Variants in ATP8A1 observed in about 807,000 individuals in gnomAD.
ATP8A1 encodes phospholipid-transporting ATPase IA.
In ATP8A1, 90 loss-of-function variants were observed where a neutral mutation model predicts 177.7. The observed-to-expected ratio is 0.51, with a 90% confidence interval of 0.43 to 0.60. The LOEUF (loss-of-function observed/expected upper bound fraction) is 0.60. Ranked by LOEUF, ATP8A1 falls within the 20% of genes least tolerant of loss-of-function variation. The pLI, the probability that ATP8A1 is intolerant of heterozygous loss-of-function variation, is 0.00. For synonymous variants in ATP8A1, 493 were observed against 485.9 expected (o/e 1.01, Z -0.19); for missense variants, 1,072 against 1,392.8 (o/e 0.77, Z 3.67).
chr4:42,462,247 T>C (rs1719248932), intron 27 of ATP8A1, among the ~76,000 whole-genome samples: 1 of 152,226 alleles, frequency 6.6e-6, no homozygotes, highest in Non-Finnish European at 1.5e-5. Flanking sequence ...GGGGAAAATG[T>C]CTCCAGGGTA....
chr4:42,532,744 C>T (rs1727404941), intron 20 of ATP8A1, among the ~76,000 whole-genome samples: 1 of 152,168 alleles, frequency 6.6e-6, no homozygotes, highest in Middle Eastern at 3.2e-3. Flanking sequence ...CATCATATCC[C>T]CTGTGACTTG....
intron 20 of ATP8A1, among the ~76,000 whole-genome samples, chr4:42,532,677 T>G (rs868582549): frequency 1.3e-5 from 2 of 152,190 alleles, no homozygotes; most frequent in African/African-American, 4.8e-5. Context: ...CTCAGATGGA[T>G]GGAGCAGCGT....
At chr4:42,567,131 C>T (rs1731433113) in intron 15 of ATP8A1, among the ~76,000 whole-genome samples, 1 of 152,226 alleles carries the variant, frequency 6.6e-6, no homozygotes, top group Non-Finnish European at 1.5e-5. Context: ...CATCTTTGAT[C>T]ACTCCACGTA....
chr4:42,650,123 C>T (rs757827195), intron 1 of ATP8A1, among the ~76,000 whole-genome samples: 10 of 152,174 alleles, frequency 6.6e-5, no homozygotes, highest in Non-Finnish European at 1.0e-4. Flanking sequence ...CAAACATTCC[C>T]ACAGCTGTAA....
chr4:42,577,449 C>G (rs909151908), intron 12 of ATP8A1, among the ~76,000 whole-genome samples: 1 of 152,084 alleles, frequency 6.6e-6, no homozygotes. Context: ...AAAAGTATGT[C>G]ATATTTTTCG....
At chr4:42,553,249 C>T (rs1338471194) in intron 16 of ATP8A1, among the ~76,000 whole-genome samples, 1 of 152,108 alleles carries the variant, frequency 6.6e-6, no homozygotes, top group Non-Finnish European at 1.5e-5. Flanking sequence ...GATAAAAATT[C>T]GAAGATGTTC....
intron 6 of ATP8A1, among the ~76,000 whole-genome samples, chr4:42,596,361 A>G (rs1223852041): frequency 6.6e-6 from 1 of 152,174 alleles, no homozygotes; most frequent in Non-Finnish European, 1.5e-5. Context: ...TCAGACTGCA[A>G]TAGCCTGATT....
At chr4:42,639,212 A>G (rs1335789771) in intron 1 of ATP8A1, among the ~76,000 whole-genome samples, 1 of 152,190 alleles carries the variant, frequency 6.6e-6, no homozygotes, top group East Asian at 1.9e-4. Flanking sequence ...TTGAACAAGC[A>G]CAAGATTAAA....
At position 42,615,940 on chromosome 4, in the gene ATP8A1, A is replaced by G. The variant is rs552232182; in HGVS notation, c.409+93T>C. 11 of 1,196,766 alleles carry G rather than the reference A, an allele frequency of 9.2e-6. No homozygotes were observed. In the South Asian group the frequency reaches 1.4e-4, roughly 16 times the overall value. The allele number at this position is 1,196,766 out of a possible 1,614,324, so 74.1% of individuals were successfully genotyped here. A position where few individuals can be genotyped will look rare whatever the true frequency, so the allele number is the denominator to read the frequency against. On this transcript the variant is annotated intron_variant, in intron 5 of 36. Coordinates refer to ENST00000381668, the MANE Select transcript of ATP8A1 (RefSeq NM_006095.2). ...CCCAAAACAAAAACTTGAGATGCAC[A>G]CTATTTGCAATTGAATTATATGTAA...
intron 33 of ATP8A1, among the ~76,000 whole-genome samples, chr4:42,430,156 A>C (rs1715110637): frequency 6.6e-6 from 1 of 151,458 alleles, no homozygotes; most frequent in South Asian, 2.1e-4. Context: ...ATGAAAAAGA[A>C]AAAAAAAAGA....
rs528750701 is a variant in ATP8A1 at position 42,565,423 on chromosome 4, A to C, written c.1340+3738T>G. On this transcript the variant is annotated intron_variant, in intron 15 of 36. Transcript: ENST00000381668. Reference sequence around the variant, plus strand: ...TAAATGAATACCACTCACTTCATACATAACTACAGACCAGAATGAAATGAG... The same window carrying C: ...TAAATGAATACCACTCACTTCATACCTAACTACAGACCAGAATGAAATGAG... Among the ~76,000 whole-genome samples the C allele has an allele frequency of 2.5e-3, 388 of 152,340 alleles. 1 individual carries two copies. The highest frequency in any genetic ancestry group is 9.1e-3 in the African/African-American group (378 of 41,580).
intron 33 of ATP8A1, among the ~76,000 whole-genome samples, chr4:42,435,450 CAAAAAAAAA>C (rs11306070): frequency 2.6e-5 from 3 of 117,010 alleles, no homozygotes; most frequent in Non-Finnish European, 3.6e-5. Context: ...AAAAAAAAAA[CAAAAAAAAA>C]AAAACAAACT....
chr4:42,450,360 TTC>T (rs1237175766), intron 30 of ATP8A1, among the ~76,000 whole-genome samples: 2 of 152,200 alleles, frequency 1.3e-5, no homozygotes, highest in Admixed American at 1.3e-4. Context: ...GATATGGGGC[TTC>T]TCTATTGGAT....
intron 25 of ATP8A1, among the ~76,000 whole-genome samples, chr4:42,481,134 C>T (rs1443262794): frequency 6.6e-6 from 1 of 152,220 alleles, no homozygotes; most frequent in Admixed American, 6.5e-5. Flanking sequence ...TTCCCACTCT[C>T]TTCTGGAGGG....
At chr4:42,485,791 T>A (rs961266484) in intron 24 of ATP8A1, 123 bp from the exon 25 acceptor site, 1 of 756,272 alleles carries the variant, frequency 1.3e-6, no homozygotes, top group African/African-American at 1.8e-5. Context: ...TTCAAATTGC[T>A]TTCACATACT....
chr4:42,549,064 TAAG>T lies in ATP8A1; in HGVS notation c.1603-5_1603-3del. On this transcript the variant is annotated splice_region_variant and splice_polypyrimidine_tract_variant and intron_variant, in intron 18 of 36. Coordinates refer to ENST00000381668, the MANE Select transcript of ATP8A1 (RefSeq NM_006095.2). ...TTCATATCTTTCTTCCTGCCCCAGC[TAAG>T]AAGAAAAGGAATATATAATTACATA... is the stretch of plus-strand genomic sequence containing the variant. The T allele has an allele frequency of 6.2e-7, 1 of 1,608,600 alleles. No individual in the cohort carries two copies. The highest frequency in any genetic ancestry group is 1.1e-5 in the South Asian group (1 of 90,456).
chr4:42,507,780 TAAA>T, intron 22 of ATP8A1, among the ~76,000 whole-genome samples: 995 of 17,456 alleles, frequency 0.057, 6 homozygotes, highest in African/African-American at 0.19. Flanking sequence ...ACAGGCATTC[TAAA>T]AAAAAAAAAA....
At chr4:42,537,253 C>T (rs6855873) in intron 20 of ATP8A1, among the ~76,000 whole-genome samples, 44,921 of 151,498 alleles carry the variant, frequency 0.3, 7,012 homozygotes, top group South Asian at 0.42. Flanking sequence ...AATATTGACA[C>T]AGAAGAGGCA....
chr4:42,496,802 ACC>A (rs34248851), intron 24 of ATP8A1, among the ~76,000 whole-genome samples: 2,060 of 151,636 alleles, frequency 0.014, 53 homozygotes, highest in African/African-American at 0.046. Flanking sequence ...ATGCACATAT[ACC>A]CCCCCCCACA....
Sources: gnomAD v4.1 joint callset for allele counts (sites outside exome capture counted in the v4.1 genomes callset) on GRCh38, gnomAD v4.1.1 for gene constraint, MANE v1.5 for transcripts, NCBI Gene and HGNC (gene_info 2026-07-23, HGNC 2026-07-21) for gene names.